CCDC85A: variants seen among roughly 807,000 people sequenced by gnomAD.
CCDC85A encodes the protein coiled-coil domain containing 85A.
A neutral mutation model predicts 50.2 loss-of-function variants in CCDC85A; 38 were observed. That is an observed-to-expected ratio of 0.76 (90% CI 0.58 to 0.99). The LOEUF is 0.99. CCDC85A is among the 50% of genes least tolerant of loss of function. The pLI is 0.00. For missense variants in CCDC85A, 820 were observed against 742.0 expected, an observed-to-expected ratio of 1.11 and a Z score of -1.22; for synonymous variants, 366 against 301.4, an observed-to-expected ratio of 1.21 and a Z score of -2.22.
chr2:56,211,774 C>G (rs949747166), intron 2 of CCDC85A, among the ~76,000 whole-genome samples: 1 of 151,962 alleles, frequency 6.6e-6, no homozygotes, highest in African/African-American at 2.4e-5. Context: ...GTTACTCAGA[C>G]GCACACAATT....
chr2:56,369,584 C>G (rs1223136216), intron 3 of CCDC85A, among the ~76,000 whole-genome samples: 4 of 152,102 alleles, frequency 2.6e-5, no homozygotes, highest in Admixed American at 6.6e-5. Flanking sequence ...GTCTTCAAGT[C>G]AGGCTGACTT....
At position 56,247,467 on chromosome 2, in the gene CCDC85A, A is replaced by G. The variant is rs943845036; in HGVS notation, c.1240+54027A>G. On this transcript the variant is annotated intron_variant, in intron 2 of 5. Coordinates refer to ENST00000407595, the MANE Select transcript of CCDC85A (RefSeq NM_001080433.2). ...ACTTTTCATAGGAGGTTGTTCTGCA[A>G]TCTTAAAGTAACTGGAGTGTTTTCC... is the stretch of plus-strand genomic sequence containing the variant. 2.6e-5 allele frequency among the ~76,000 whole-genome samples: 4 copies of G among 152,160 alleles called. No homozygotes were observed. In the East Asian group the frequency reaches 5.8e-4, roughly 22 times the overall value.
chr2:56,216,227 T>C (rs1467413749), intron 2 of CCDC85A, among the ~76,000 whole-genome samples: 2 of 151,906 alleles, frequency 1.3e-5, no homozygotes, highest in Non-Finnish European at 2.9e-5. Flanking sequence ...TCTAAGCATG[T>C]ATACCTTGAA....
At chr2:56,381,490 C>T (rs1263785365) in intron 5 of CCDC85A, among the ~76,000 whole-genome samples, 1 of 152,084 alleles carries the variant, frequency 6.6e-6, no homozygotes, top group Admixed American at 6.6e-5. Context: ...CATCAGACCT[C>T]AGGCAATTCA....
At chr2:56,323,984 C>T (rs540649763) in intron 2 of CCDC85A, among the ~76,000 whole-genome samples, 88 of 152,022 alleles carry the variant, frequency 5.8e-4, no homozygotes, top group Non-Finnish European at 1.1e-3. Flanking sequence ...AAGATATATA[C>T]GTTTATAAAT....
intron 2 of CCDC85A, among the ~76,000 whole-genome samples, chr2:56,301,698 GT>G (rs1041762303): frequency 6.6e-6 from 1 of 152,086 alleles, no homozygotes; most frequent in Non-Finnish European, 1.5e-5. Context: ...AAAAGGTGGA[GT>G]TTAAAAGATC....
At chr2:56,380,575 A>G (rs1422358954) in intron 5 of CCDC85A, among the ~76,000 whole-genome samples, 3 of 151,850 alleles carry the variant, frequency 2.0e-5, no homozygotes, top group African/African-American at 2.4e-5. Flanking sequence ...AAAAAACAAC[A>G]ACAACAGGAT....
intron 2 of CCDC85A, among the ~76,000 whole-genome samples, chr2:56,254,343 G>A (rs967399079): frequency 1.3e-5 from 2 of 152,094 alleles, no homozygotes; most frequent in Non-Finnish European, 2.9e-5. Flanking sequence ...TCTTGGGGTG[G>A]TGGTGGTAGC....
At chr2:56,206,572 A>G (rs1194317766) in intron 2 of CCDC85A, among the ~76,000 whole-genome samples, 1 of 152,132 alleles carries the variant, frequency 6.6e-6, no homozygotes, top group Non-Finnish European at 1.5e-5. Flanking sequence ...ACTTGCTTTT[A>G]TAACAGGCCC....
intron 2 of CCDC85A, among the ~76,000 whole-genome samples, chr2:56,212,615 A>C (rs1677224880): frequency 6.6e-6 from 1 of 152,058 alleles, no homozygotes; most frequent in African/African-American, 2.4e-5. Context: ...TGTGTATTTC[A>C]AAAGTAGAAA....
At chr2:56,323,183 T>A (rs1044118031) in intron 2 of CCDC85A, among the ~76,000 whole-genome samples, 1 of 152,082 alleles carries the variant, frequency 6.6e-6, no homozygotes, top group East Asian at 1.9e-4. Context: ...TTAGGAGATA[T>A]ACCTAATGTA....
Position 56,311,795 on chromosome 2 carries a change from C to G in CCDC85A, c.1241-31084C>G, listed in dbSNP as rs575115546. Among the ~76,000 whole-genome samples, 15 of 152,202 alleles carry G rather than the reference C, an allele frequency of 9.9e-5. 1 individual carries two copies. The highest frequency in any genetic ancestry group is 1.8e-4 in the Non-Finnish European group (12 of 68,020). On this transcript the variant is annotated intron_variant, in intron 2 of 5. Coordinates refer to ENST00000407595, the MANE Select transcript of CCDC85A (RefSeq NM_001080433.2). ...AAAGGCTGTGTAACTTGCTCAAGGT[C>G]TCACCATCGGTGCAGGGATTCAGGG...
At chr2:56,314,629 T>C (rs1401016130) in intron 2 of CCDC85A, among the ~76,000 whole-genome samples, 1 of 150,482 alleles carries the variant, frequency 6.6e-6, no homozygotes, top group Non-Finnish European at 1.5e-5. Flanking sequence ...GGAATATTTC[T>C]TCCCCCAGTT....
At chr2:56,200,240 A>G (rs1257079081) in intron 2 of CCDC85A, among the ~76,000 whole-genome samples, 4 of 152,182 alleles carry the variant, frequency 2.6e-5, no homozygotes, top group African/African-American at 9.7e-5. Flanking sequence ...ATCAACTCAA[A>G]TATTTGCTTC....
chr2:56,213,776 T>C (rs1394899080), intron 2 of CCDC85A, among the ~76,000 whole-genome samples: 2 of 151,970 alleles, frequency 1.3e-5, no homozygotes, highest in African/African-American at 2.4e-5. Flanking sequence ...GATTTTCTTT[T>C]CTCCCTTGCC....
intron 2 of CCDC85A, among the ~76,000 whole-genome samples, chr2:56,248,253 T>C (rs1669597049): frequency 6.6e-6 from 1 of 152,160 alleles, no homozygotes; most frequent in Non-Finnish European, 1.5e-5. Context: ...GGATGGAAGA[T>C]GTATTCTGGG....
intron 2 of CCDC85A, among the ~76,000 whole-genome samples, chr2:56,261,855 T>C (rs1055361330): frequency 6.6e-6 from 1 of 152,140 alleles, no homozygotes; most frequent in Non-Finnish European, 1.5e-5. Flanking sequence ...TTTCATGATA[T>C]CCTTCACTCA....
intron 2 of CCDC85A, among the ~76,000 whole-genome samples, chr2:56,288,102 A>T (rs1215273541): frequency 1.3e-5 from 2 of 152,146 alleles, no homozygotes; most frequent in Admixed American, 6.6e-5. Context: ...TACTCCCCAC[A>T]GCTGAGTAGG....
At chr2:56,207,751 A>T (rs1390517094) in intron 2 of CCDC85A, among the ~76,000 whole-genome samples, 35 of 152,166 alleles carry the variant, frequency 2.3e-4, no homozygotes, top group Admixed American at 2.3e-3. Flanking sequence ...TGTAAAGGAA[A>T]CAAAATATAA....
Sources: gnomAD v4.1 joint callset for allele counts (sites outside exome capture counted in the v4.1 genomes callset) on GRCh38, gnomAD v4.1.1 for gene constraint, MANE v1.5 for transcripts, NCBI Gene and HGNC (gene_info 2026-07-23, HGNC 2026-07-21) for gene names.